Variants in SCN1A observed in about 807,000 individuals in gnomAD.
The protein encoded by SCN1A is sodium channel protein type 1 subunit alpha.
SCN1A carries 13 observed loss-of-function variants against 193.7 expected under a neutral mutation model. That is an observed-to-expected ratio of 0.07 (90% CI 0.04 to 0.11). SCN1A has a LOEUF of 0.11. SCN1A is among the 10% of genes least tolerant of loss of function. SCN1A has a pLI of 1.00. For missense variants in SCN1A, 1,432 were observed against 2,451.1 expected (o/e 0.58, Z 8.78); for synonymous variants, 781 against 843.6 (o/e 0.93, Z 1.29).
intron 5 of SCN1A, among the ~76,000 whole-genome samples, chr2:166,057,791 A>G (rs185387768): frequency 6.6e-6 from 1 of 152,172 alleles, no homozygotes; most frequent in Non-Finnish European, 1.5e-5. Flanking sequence ...AATATCTATT[A>G]TTGTCAAAGC....
At chr2:166,040,544 C>A (rs1028512553) in intron 16 of SCN1A, among the ~76,000 whole-genome samples, 10 of 152,106 alleles carry the variant, frequency 6.6e-5, no homozygotes, top group African/African-American at 1.9e-4. Context: ...AACTTCAAAC[C>A]AAATATTACA....
chr2:166,026,930 G>T (rs113473663), intron 19 of SCN1A, among the ~76,000 whole-genome samples: 2 of 151,850 alleles, frequency 1.3e-5, no homozygotes, highest in African/African-American at 4.8e-5. Context: ...TGATTCGCCC[G>T]CCTCGGCCTC....
intron 2 of SCN1A, among the ~76,000 whole-genome samples, chr2:166,108,724 A>G (rs553990650): frequency 2.6e-5 from 4 of 152,304 alleles, no homozygotes; most frequent in African/African-American, 9.6e-5. Flanking sequence ...GACACATTGC[A>G]TGATTCTATT....
At chr2:166,048,111 C>G (rs1264115479) in intron 10 of SCN1A, among the ~76,000 whole-genome samples, 1 of 152,048 alleles carries the variant, frequency 6.6e-6, no homozygotes, top group Non-Finnish European at 1.5e-5. Flanking sequence ...TTATTATATA[C>G]TCCTAAAAAA....
At chr2:166,127,154 G>A (rs1691340638) in intron 1 of SCN1A, 144 bp from the exon 2 acceptor site, 2 of 152,198 alleles carry the variant, frequency 1.3e-5, no homozygotes, top group South Asian at 4.1e-4. Flanking sequence ...CTCTGCTCAA[G>A]CTCTTTTTTA....
intron 23 of SCN1A, among the ~76,000 whole-genome samples, chr2:166,005,376 TG>T (rs1298248475): frequency 1.3e-5 from 2 of 151,336 alleles, no homozygotes; most frequent in African/African-American, 4.8e-5. Context: ...GGGAGAAGTT[TG>T]TGCTTAGGTA....
intron 19 of SCN1A, among the ~76,000 whole-genome samples, chr2:166,030,623 T>C (rs1482289246): frequency 6.6e-6 from 1 of 152,130 alleles, no homozygotes; most frequent in Admixed American, 6.5e-5. Flanking sequence ...CCAAATAGCT[T>C]TTAGATCTTC....
chr2:165,995,655 G>A (rs1199657075), intron 27 of SCN1A, among the ~76,000 whole-genome samples: 3 of 151,676 alleles, frequency 2.0e-5, no homozygotes, highest in African/African-American at 4.8e-5. Context: ...CCCATCCCAA[G>A]GTTTACTTCT....
chr2:166,108,916 T>C (rs1688993890), intron 2 of SCN1A, among the ~76,000 whole-genome samples: 1 of 152,138 alleles, frequency 6.6e-6, no homozygotes, highest in Admixed American at 6.6e-5. Context: ...AAAAAAGCAC[T>C]GAACTAACAA....
At chr2:166,123,380 G>A (rs560453766) in intron 2 of SCN1A, 1 of 152,124 alleles carries the variant, frequency 6.6e-6, no homozygotes, top group East Asian at 1.9e-4. Context: ...TATCATTTCT[G>A]GAGGAAGAAA....
intron 4 of SCN1A, among the ~76,000 whole-genome samples, chr2:166,061,740 CTAAG>C (rs983001919): frequency 2.5e-4 from 38 of 152,154 alleles, no homozygotes; most frequent in African/African-American, 8.4e-4. Flanking sequence ...AGGGCTGAAA[CTAAG>C]TAAGATGAGT....
chr2:166,002,118 C>T (rs961328667), intron 24 of SCN1A, among the ~76,000 whole-genome samples: 2 of 151,246 alleles, frequency 1.3e-5, no homozygotes, highest in African/African-American at 4.9e-5. Flanking sequence ...AAGTGTATTC[C>T]GTTTTGGTAG....
At chr2:165,995,207 C>G (rs1249670636) in intron 27 of SCN1A, among the ~76,000 whole-genome samples, 1 of 151,740 alleles carries the variant, frequency 6.6e-6, no homozygotes, top group East Asian at 1.9e-4. Context: ...CATTTCTACT[C>G]TTAGTGCTAA....
chr2:166,075,983 A>T (rs1050988304), intron 3 of SCN1A, among the ~76,000 whole-genome samples: 3 of 152,010 alleles, frequency 2.0e-5, no homozygotes, highest in African/African-American at 7.2e-5. Context: ...CTGCTTATTT[A>T]AAAACAGCCC....
intron 19 of SCN1A, among the ~76,000 whole-genome samples, chr2:166,026,777 A>T (rs572671115): frequency 7.3e-6 from 1 of 137,246 alleles, no homozygotes; most frequent in African/African-American, 2.8e-5. Context: ...TCCGCCTCCC[A>T]GGTTCATGTC....
chr2:166,080,239 G>C (rs1466647599), intron 2 of SCN1A, among the ~76,000 whole-genome samples: 1 of 151,596 alleles, frequency 6.6e-6, no homozygotes, highest in African/African-American at 2.4e-5. Context: ...TAACCTCATA[G>C]AATCTGCAGT....
At chr2:166,096,558 G>A (rs1264739079) in intron 2 of SCN1A, among the ~76,000 whole-genome samples, 1 of 152,136 alleles carries the variant, frequency 6.6e-6, no homozygotes, top group African/African-American at 2.4e-5. Flanking sequence ...GGGATTACAG[G>A]CGTGAGCCAC....
intron 4 of SCN1A, among the ~76,000 whole-genome samples, chr2:166,061,859 G>A (rs1381928157): frequency 6.6e-6 from 1 of 151,806 alleles, no homozygotes; most frequent in Non-Finnish European, 1.5e-5. Flanking sequence ...AAAACAAATG[G>A]GCATAATTAT....
intron 1 of SCN1A, among the ~76,000 whole-genome samples, chr2:166,146,945 T>C (rs1045833408): frequency 2.6e-5 from 4 of 152,238 alleles, no homozygotes; most frequent in Non-Finnish European, 5.9e-5. Flanking sequence ...AATGACAATA[T>C]GTATTTAACT....
Sources: allele counts gnomAD v4.1 joint callset (sites outside exome capture counted in the v4.1 genomes callset), GRCh38; gene constraint gnomAD v4.1.1; transcripts MANE v1.5; gene names NCBI Gene and HGNC (gene_info 2026-07-23, HGNC 2026-07-21).